Variants in LRMDA observed in about 807,000 individuals in gnomAD.
The protein encoded by LRMDA is leucine-rich melanocyte differentiation-associated protein.
A neutral mutation model predicts 29.8 loss-of-function variants in LRMDA; 18 were observed. The ratio of observed to expected loss-of-function variants is 0.60; its 90% confidence interval spans 0.42 to 0.90. LRMDA has a LOEUF of 0.90. Ranked by LOEUF, LRMDA falls within the 40% of genes least tolerant of loss-of-function variation. The pLI is 0.00. For synonymous variants in LRMDA, 125 were observed against 109.4 expected (o/e 1.14, Z -0.89); for missense variants, 273 against 273.9 (o/e 1.00, Z 0.02).
rs531729040 is a variant in LRMDA at position 76,055,063 on chromosome 10, CAAAAAAAAAAAAAAA to C, written c.399-3586_399-3572del. 0.019 allele frequency among the ~76,000 whole-genome samples: 881 copies of C among 45,950 alleles called. 34 individuals carry two copies. The East Asian group carries it at 0.28, about 15-fold the overall frequency. The allele number at this position is 45,950 out of a possible 152,430, so 30.1% of individuals were successfully genotyped here. On this transcript the variant is annotated intron_variant, in intron 4 of 6. Coordinates refer to ENST00000611255, the MANE Select transcript of LRMDA (RefSeq NM_001305581.2). ...TGGGCAACAGAGCAAGACTCCATCT[CAAAAAAAAAAAAAAA>C]AAAAAAAAAAAAAAAAGAAAAAGAA...
At chr10:75,558,752 A>G (rs1589183184) in intron 2 of LRMDA, among the ~76,000 whole-genome samples, 1 of 150,096 alleles carries the variant, frequency 6.7e-6, no homozygotes, top group Non-Finnish European at 1.5e-5. Flanking sequence ...TCATTGTTCA[A>G]TTTCCACCTA....
Position 76,036,147 on chromosome 10 carries a change from C to T in LRMDA, c.258+13C>T, listed in dbSNP as rs778599300. The T allele has an allele frequency of 7.5e-6, 12 of 1,609,316 alleles. No individual in the cohort carries two copies. In the East Asian group the frequency reaches 1.8e-4, roughly 24 times the overall value. The stretch of plus-strand genomic sequence containing the variant: ...CAACAAGAACCGAATATCCTTTCCT[C>T]TGCCCGCTGCCCCCACTCCCCACCC... On this transcript the variant is annotated intron_variant, in intron 3 of 6. Transcript: ENST00000611255.
chr10:76,297,417 A>T (rs531755690), intron 5 of LRMDA, among the ~76,000 whole-genome samples: 2 of 152,340 alleles, frequency 1.3e-5, no homozygotes, highest in South Asian at 4.1e-4. Context: ...CAACACAAAT[A>T]CTGACTGCCC....
At chr10:76,062,863 G>A (rs1011428532) in intron 5 of LRMDA, among the ~76,000 whole-genome samples, 1 of 152,096 alleles carries the variant, frequency 6.6e-6, no homozygotes, top group Non-Finnish European at 1.5e-5. Flanking sequence ...GAAAGAGCCC[G>A]CTAGTAACCA....
intron 6 of LRMDA, among the ~76,000 whole-genome samples, chr10:76,485,505 T>A (rs1842772597): frequency 6.6e-6 from 1 of 151,930 alleles, no homozygotes; most frequent in South Asian, 2.1e-4. Context: ...AATACAGTGC[T>A]ACTATTATTA....
chr10:75,659,288 A>G (rs1479872503), intron 2 of LRMDA, among the ~76,000 whole-genome samples: 2 of 152,178 alleles, frequency 1.3e-5, no homozygotes, highest in African/African-American at 4.8e-5. Context: ...GTTTTTGCTT[A>G]AAACCCAGCT....
At chr10:76,194,189 T>G (rs1851294619) in intron 5 of LRMDA, among the ~76,000 whole-genome samples, 1 of 152,180 alleles carries the variant, frequency 6.6e-6, no homozygotes, top group African/African-American at 2.4e-5. Context: ...AGATTTGGCC[T>G]GTTTGTAGTA....
intron 2 of LRMDA, among the ~76,000 whole-genome samples, chr10:75,635,061 G>A (rs1317624347): frequency 6.6e-6 from 1 of 152,156 alleles, no homozygotes; most frequent in Non-Finnish European, 1.5e-5. Context: ...TAAGAGAAAT[G>A]TGAGAAATTG....
At chr10:76,352,295 G>A (rs529456715) in intron 6 of LRMDA, among the ~76,000 whole-genome samples, 63 of 152,118 alleles carry the variant, frequency 4.1e-4, no homozygotes, top group African/African-American at 1.3e-3. Context: ...ATTAGGCATG[G>A]TAAGAGATAA....
chr10:76,371,564 G>A (rs1841454616), intron 6 of LRMDA, among the ~76,000 whole-genome samples: 1 of 152,114 alleles, frequency 6.6e-6, no homozygotes, highest in Non-Finnish European at 1.5e-5. Context: ...TCCAAACAGT[G>A]TTGGTTATGC....
intron 2 of LRMDA, among the ~76,000 whole-genome samples, chr10:75,630,164 C>G (rs571305336): frequency 1.2e-3 from 178 of 152,302 alleles, no homozygotes; most frequent in Non-Finnish European, 2.2e-3. Context: ...GGCAGACCCA[C>G]GGCCCTCCTG....
chr10:76,239,083 G>A (rs916681943), intron 5 of LRMDA, among the ~76,000 whole-genome samples: 1 of 152,104 alleles, frequency 6.6e-6, no homozygotes, highest in Admixed American at 6.6e-5. Context: ...CCTTGCCTTG[G>A]TGACGTACAA....
chr10:76,399,029 G>T (rs1841819797), intron 6 of LRMDA, among the ~76,000 whole-genome samples: 1 of 152,070 alleles, frequency 6.6e-6, no homozygotes, highest in Non-Finnish European at 1.5e-5. Context: ...CAGATTCCAG[G>T]TCTAAAATTT....
intron 2 of LRMDA, among the ~76,000 whole-genome samples, chr10:75,486,647 G>C (rs148202379): frequency 1.3e-5 from 2 of 152,002 alleles, no homozygotes; most frequent in African/African-American, 2.4e-5. Flanking sequence ...TTCTGGTCTG[G>C]GGGGGGCAAC....
intron 2 of LRMDA, among the ~76,000 whole-genome samples, chr10:75,575,893 A>G (rs1358346984): frequency 6.6e-6 from 1 of 151,444 alleles, no homozygotes; most frequent in African/African-American, 2.4e-5. Flanking sequence ...TCTGGTGCCC[A>G]CACCACCAGG....
chr10:76,354,546 C>T (rs544895047), intron 6 of LRMDA, among the ~76,000 whole-genome samples: 9 of 152,254 alleles, frequency 5.9e-5, no homozygotes, highest in Admixed American at 5.2e-4. Context: ...ATCTTCTGTT[C>T]GTTGACAGTA....
intron 5 of LRMDA, among the ~76,000 whole-genome samples, chr10:76,232,498 A>G (rs1341502953): frequency 6.6e-6 from 1 of 152,192 alleles, no homozygotes; most frequent in Non-Finnish European, 1.5e-5. Flanking sequence ...GGAAGGTACA[A>G]GCATACCTTG....
intron 2 of LRMDA, among the ~76,000 whole-genome samples, chr10:75,850,085 A>G (rs546585641): frequency 7.2e-5 from 11 of 152,354 alleles, no homozygotes; most frequent in South Asian, 4.1e-4. Flanking sequence ...AGAAACTTCT[A>G]TCATCATAAC....
At chr10:76,489,902 T>C (rs1179773392) in intron 6 of LRMDA, among the ~76,000 whole-genome samples, 1 of 151,962 alleles carries the variant, frequency 6.6e-6, no homozygotes, top group Non-Finnish European at 1.5e-5. Flanking sequence ...AGAGGTGCCT[T>C]CTGCCATGAT....
Sources: gnomAD v4.1 joint callset for allele counts (sites outside exome capture counted in the v4.1 genomes callset) on GRCh38, gnomAD v4.1.1 for gene constraint, MANE v1.5 for transcripts, NCBI Gene and HGNC (gene_info 2026-07-23, HGNC 2026-07-21) for gene names.